Variants in NOS1AP observed in about 807,000 individuals in gnomAD.
NOS1AP encodes the protein carboxyl-terminal PDZ ligand of neuronal nitric oxide synthase protein.
In NOS1AP, 21 loss-of-function variants were observed where a neutral mutation model predicts 56.2. That is an observed-to-expected ratio of 0.37 (90% CI 0.26 to 0.54). The LOEUF is 0.54. Among genes scored for constraint, NOS1AP ranks in the 20% least tolerant of loss-of-function variants. The probability of loss-of-function intolerance (pLI) is 0.84; values close to 1 mark genes in which losing one functional copy is unlikely to be tolerated. For missense variants in NOS1AP, 522 were observed against 657.8 expected, an observed-to-expected ratio of 0.79 and a Z score of 2.26; for synonymous variants, 270 against 274.6, an observed-to-expected ratio of 0.98 and a Z score of 0.17.
chr1:162,285,563 A>G (rs1655063034), intron 2 of NOS1AP, among the ~76,000 whole-genome samples: 1 of 151,978 alleles, frequency 6.6e-6, no homozygotes, highest in Admixed American at 6.6e-5. Flanking sequence ...GGAATTTGTT[A>G]TATGGCTGAG....
At chr1:162,245,425 T>C (rs964772231) in intron 2 of NOS1AP, among the ~76,000 whole-genome samples, 4 of 152,240 alleles carry the variant, frequency 2.6e-5, no homozygotes, top group African/African-American at 9.6e-5. Flanking sequence ...CACATAATGC[T>C]GGTGGGAATG....
intron 4 of NOS1AP, among the ~76,000 whole-genome samples, chr1:162,310,842 C>G (rs1656002384): frequency 6.6e-6 from 1 of 152,020 alleles, no homozygotes; most frequent in South Asian, 2.1e-4. Flanking sequence ...GTCCTCTCCT[C>G]CCTTAGAATA....
intron 8 of NOS1AP, chr1:162,362,907 A>G: frequency 3.1e-6 from 3 of 962,294 alleles, no homozygotes; most frequent in Non-Finnish European, 3.7e-6. Flanking sequence ...AATATTATTG[A>G]CATTTCTTTC....
At chr1:162,142,479 G>GT (rs369911506) in intron 1 of NOS1AP, among the ~76,000 whole-genome samples, 3,049 of 151,580 alleles carry the variant, frequency 0.02, 107 homozygotes, top group African/African-American at 0.069. Flanking sequence ...CAAATGTGGG[G>GT]TTTTTTTTGT....
chr1:162,266,690 A>G (rs1409809018), intron 2 of NOS1AP, among the ~76,000 whole-genome samples: 1 of 152,212 alleles, frequency 6.6e-6, no homozygotes, highest in Non-Finnish European at 1.5e-5. Flanking sequence ...ATCTGTCTTC[A>G]TATGCTAGAA....
At chr1:162,354,625 G>A (rs934207695) in intron 6 of NOS1AP, among the ~76,000 whole-genome samples, 1 of 152,224 alleles carries the variant, frequency 6.6e-6, no homozygotes, top group African/African-American at 2.4e-5. Context: ...GAGAGGATCA[G>A]GCTCTGAGGG....
At chr1:162,287,820 G>A (rs1199494882) in intron 3 of NOS1AP, among the ~76,000 whole-genome samples, 1 of 152,208 alleles carries the variant, frequency 6.6e-6, no homozygotes, top group Non-Finnish European at 1.5e-5. Flanking sequence ...TTCCTCAGCA[G>A]CTGTCCCCTT....
intron 6 of NOS1AP, among the ~76,000 whole-genome samples, chr1:162,348,927 T>C (rs1010810589): frequency 1.3e-5 from 2 of 152,238 alleles, no homozygotes; most frequent in African/African-American, 4.8e-5. Flanking sequence ...GGCTCATGCC[T>C]GTAATCCCAG....
intron 4 of NOS1AP, among the ~76,000 whole-genome samples, chr1:162,324,732 A>T (rs1028585205): frequency 3.3e-5 from 5 of 152,162 alleles, no homozygotes; most frequent in African/African-American, 4.8e-5. Flanking sequence ...CACACAGTAG[A>T]TCTTTGTAAC....
intron 4 of NOS1AP, among the ~76,000 whole-genome samples, chr1:162,315,080 A>T (rs1289176297): frequency 6.6e-6 from 1 of 152,258 alleles, no homozygotes; most frequent in Non-Finnish European, 1.5e-5. Context: ...GGATTCGCTT[A>T]GGAGGGACCT....
chr1:162,185,593 A>G (rs1347121918), intron 2 of NOS1AP, among the ~76,000 whole-genome samples: 1 of 152,188 alleles, frequency 6.6e-6, no homozygotes, highest in Non-Finnish European at 1.5e-5. Context: ...TTAACTTGCC[A>G]TGTGCATTAG....
chr1:162,301,360 T>C (rs1260234859), intron 4 of NOS1AP, among the ~76,000 whole-genome samples: 7 of 152,152 alleles, frequency 4.6e-5, no homozygotes, highest in African/African-American at 1.7e-4. Context: ...CCTTCCCCTA[T>C]GGGAAGACAC....
intron 2 of NOS1AP, among the ~76,000 whole-genome samples, chr1:162,263,280 T>C (rs59331213): frequency 0.98 from 149,125 of 152,220 alleles, 73,117 homozygotes; most frequent in Middle Eastern, 1. Flanking sequence ...GCTGGAAATT[T>C]AAGATCACGG....
At chr1:162,228,915 C>T (rs1179482753) in intron 2 of NOS1AP, among the ~76,000 whole-genome samples, 4 of 152,310 alleles carry the variant, frequency 2.6e-5, no homozygotes, top group African/African-American at 7.2e-5. Flanking sequence ...AACTTGCAGT[C>T]ATATTGGACA....
intron 2 of NOS1AP, 50 bp from the exon 3 acceptor site, chr1:162,287,294 C>A (rs1655119703): frequency 7.6e-7 from 1 of 1,317,138 alleles, no homozygotes; most frequent in South Asian, 1.2e-5. Context: ...TGTATAGATG[C>A]ACTGATCTCA....
intron 2 of NOS1AP, among the ~76,000 whole-genome samples, chr1:162,256,980 A>G (rs1334797987): frequency 6.6e-6 from 1 of 152,178 alleles, no homozygotes; most frequent in African/African-American, 2.4e-5. Flanking sequence ...TCTCTTCTCC[A>G]AGTTATTCCT....
chr1:162,237,023 A>C (rs770883868), intron 2 of NOS1AP, among the ~76,000 whole-genome samples: 8 of 152,176 alleles, frequency 5.3e-5, no homozygotes, highest in Admixed American at 4.6e-4. Flanking sequence ...ATTTATCTTG[A>C]TGATTGGTGA....
intron 1 of NOS1AP, among the ~76,000 whole-genome samples, chr1:162,091,965 A>G (rs1405557691): frequency 5.3e-5 from 8 of 152,184 alleles, no homozygotes; most frequent in African/African-American, 1.9e-4. Flanking sequence ...CTGGAGTTGG[A>G]AGGGACCTCA....
chr1:162,119,630 T>C (rs557488826), intron 1 of NOS1AP, among the ~76,000 whole-genome samples: 2 of 152,360 alleles, frequency 1.3e-5, no homozygotes, highest in Admixed American at 1.3e-4. Context: ...ATTAGGAACC[T>C]ACTTGCATGG....
Sources: gnomAD v4.1 joint callset for allele counts (sites outside exome capture counted in the v4.1 genomes callset) on GRCh38, gnomAD v4.1.1 for gene constraint, MANE v1.5 for transcripts, NCBI Gene and HGNC (gene_info 2026-07-23, HGNC 2026-07-21) for gene names.